KMT2C: variants seen among roughly 807,000 people sequenced by gnomAD.
The protein encoded by KMT2C is lysine methyltransferase 2C.
A neutral mutation model predicts 507.9 loss-of-function variants in KMT2C; 88 were observed. The ratio of observed to expected loss-of-function variants is 0.17; its 90% CI spans 0.15 to 0.21. The LOEUF is 0.21. KMT2C is among the 10% of genes least tolerant of loss of function. The pLI is 1.00. For synonymous variants in KMT2C, 2,049 were observed against 2,080.8 expected, an observed-to-expected ratio of 0.98 and a Z score of 0.42; for missense variants, 4,954 against 5,957.8, an observed-to-expected ratio of 0.83 and a Z score of 5.55.
At chr7:152,139,420 G>A (rs574984447) in intron 56 of KMT2C, among the ~76,000 whole-genome samples, 161 bp from the exon 57 acceptor site, 138 of 152,294 alleles carry the variant, frequency 9.1e-4, no homozygotes, top group African/African-American at 3.2e-3. Context: ...TACATGGCAC[G>A]AATGGAAAGC....
intron 14 of KMT2C, among the ~76,000 whole-genome samples, chr7:152,239,818 G>A (rs1286112347): frequency 3.3e-5 from 5 of 152,092 alleles, no homozygotes; most frequent in African/African-American, 9.7e-5. Context: ...CAAAACTTAA[G>A]ACAAGGTACA....
chr7:152,204,486 C>T (rs1324972966), intron 25 of KMT2C, among the ~76,000 whole-genome samples: 2 of 152,090 alleles, frequency 1.3e-5, no homozygotes, highest in East Asian at 3.9e-4. Context: ...TCTCCAGCTA[C>T]ATCAGAGGTT....
At chr7:152,156,494 C>A in intron 44 of KMT2C, 148 bp from the exon 45 acceptor site, 7 of 988,784 alleles carry the variant, frequency 7.1e-6, no homozygotes, top group Non-Finnish European at 1.0e-5. Context: ...GAAAACAATA[C>A]CTACAAGGCC....
At position 152,163,319 on chromosome 7, in the gene KMT2C, C is replaced by T; in HGVS notation, c.10258G>A (p.Asp3420Asn). 2 of 1,614,256 alleles carry T rather than the reference C, an allele frequency of 1.2e-6. No individual in the cohort carries two copies. Among genetic ancestry groups the T allele is most frequent in the African/African-American group, 1.3e-5 (1 of 75,070 alleles). ...RQRIQLMQEVDRQRALQQRME... is the reference protein window; with the variant it reads ...RQRIQLMQEVNRQRALQQRME... ...CTCTGCTGCAAAGCTCTTTGTCTATCTACCTCCTGCATGAGTTGGATCCGT... is the reference window on the plus strand; with the variant it reads ...CTCTGCTGCAAAGCTCTTTGTCTATTTACCTCCTGCATGAGTTGGATCCGT... The change falls in exon 43 of 59, where the codon GAT (aspartate) becomes AAT (asparagine). Residue 3420 changes from aspartate to asparagine, a missense_variant. Asp to Asn is a conservative substitution (Grantham distance 23, BLOSUM62 1). This residue lies in a region of KMT2C where 801 missense variants were observed against 751.2 expected (regional missense o/e 1.07). Transcript: ENST00000262189.
intron 2 of KMT2C, among the ~76,000 whole-genome samples, chr7:152,350,631 C>T (rs2097103242): frequency 6.6e-6 from 1 of 152,202 alleles, no homozygotes; most frequent in South Asian, 2.1e-4. Context: ...ACATAGAGCA[C>T]TTACCATGAA....
At chr7:152,364,867 T>C (rs1034344318) in intron 1 of KMT2C, among the ~76,000 whole-genome samples, 3 of 151,814 alleles carry the variant, frequency 2.0e-5, no homozygotes, top group African/African-American at 7.3e-5. Context: ...AATAATTAGC[T>C]GTAAATTTTA....
intron 34 of KMT2C, among the ~76,000 whole-genome samples, chr7:152,185,075 T>A (rs181073067): frequency 6.6e-6 from 1 of 152,316 alleles, no homozygotes; most frequent in East Asian, 1.9e-4. Flanking sequence ...ATACTTTAAG[T>A]CATCTTTAGA....
intron 43 of KMT2C, 26 bp from the exon 44 acceptor site, chr7:152,159,098 A>C (rs2092288358): frequency 6.2e-7 from 1 of 1,602,788 alleles, no homozygotes; most frequent in Non-Finnish European, 8.5e-7. Flanking sequence ...AGGGTAAAAA[A>C]TAAGTGAACA....
intron 9 of KMT2C, among the ~76,000 whole-genome samples, chr7:152,255,132 T>TATATATATAC (rs1554583864): frequency 1.6e-5 from 2 of 121,848 alleles, no homozygotes; most frequent in Non-Finnish European, 3.2e-5. Flanking sequence ...TATATATATA[T>TATATATATAC]ATATATATAT....
intron 16 of KMT2C, among the ~76,000 whole-genome samples, chr7:152,231,370 C>A (rs149393685): frequency 1.3e-5 from 2 of 152,384 alleles, no homozygotes; most frequent in African/African-American, 4.8e-5. Flanking sequence ...AAATACAATC[C>A]TCTTTCTTTA....
intron 6 of KMT2C, among the ~76,000 whole-genome samples, chr7:152,287,349 T>C (rs1258282409): frequency 6.6e-6 from 1 of 152,196 alleles, no homozygotes; most frequent in Non-Finnish European, 1.5e-5. Flanking sequence ...TTCACAAAGG[T>C]GTAATGCAAG....
rs75105755 is a variant in KMT2C at position 152,182,775 on chromosome 7, C to T, written c.5266-181G>A. The stretch of plus-strand genomic sequence containing the variant: ...TCATCATGGTATGTTCCATTTGTGC[C>T]TAGGGCAGTATATTGTTTATAATAT... On this transcript the variant is annotated intron_variant, in intron 35 of 58. Transcript: ENST00000262189. Among the ~76,000 whole-genome samples the T allele has an allele frequency of 2.8e-3, 430 of 152,100 alleles. 3 individuals carry two copies. Among genetic ancestry groups the T allele is most frequent in the African/African-American group, 1.0e-2 (413 of 41,484 alleles).
chr7:152,282,429 A>G (rs1170609431), intron 6 of KMT2C, among the ~76,000 whole-genome samples: 3 of 152,268 alleles, frequency 2.0e-5, no homozygotes, highest in African/African-American at 7.2e-5. Context: ...CCTCAAATTG[A>G]AAGTCCTCAA....
intron 31 of KMT2C, among the ~76,000 whole-genome samples, chr7:152,189,075 G>C (rs1034595392): frequency 1.3e-5 from 2 of 152,054 alleles, no homozygotes; most frequent in South Asian, 4.2e-4. Context: ...TCTCATTCGA[G>C]CTTATTCACA....
chr7:152,157,898 G>A (rs1379470674), intron 44 of KMT2C: 2 of 1,338,114 alleles, frequency 1.5e-6, no homozygotes, highest in Non-Finnish European at 2.0e-6. Flanking sequence ...CCAATGATTG[G>A]TTCCATTAGA....
chr7:152,361,666 CAGAAA>C (rs1198048339), intron 1 of KMT2C, among the ~76,000 whole-genome samples: 3 of 151,366 alleles, frequency 2.0e-5, no homozygotes, highest in African/African-American at 7.3e-5. Flanking sequence ...CAACAGCAGG[CAGAAA>C]AGGAATGAAA....
chr7:152,359,322 TTTGAA>T (rs1157945661), intron 1 of KMT2C, among the ~76,000 whole-genome samples: 1 of 151,472 alleles, frequency 6.6e-6, no homozygotes, highest in Non-Finnish European at 1.5e-5. Flanking sequence ...CTTTAAATTC[TTTGAA>T]TTGTACTAAA....
chr7:152,405,545 T>C (rs574796824), intron 1 of KMT2C, among the ~76,000 whole-genome samples: 3 of 152,104 alleles, frequency 2.0e-5, no homozygotes, highest in African/African-American at 7.3e-5. Flanking sequence ...ACACGCTGCC[T>C]AGTTCACTTT....
At chr7:152,411,532 G>A (rs2982766) in intron 1 of KMT2C, among the ~76,000 whole-genome samples, 2 of 117,458 alleles carry the variant, frequency 1.7e-5, no homozygotes, top group Non-Finnish European at 3.7e-5. Context: ...TGAGAAAGAG[G>A]AGGGGGAAGA....
Sources: allele counts gnomAD v4.1 joint callset (sites outside exome capture counted in the v4.1 genomes callset), GRCh38; gene constraint gnomAD v4.1.1; regional missense constraint gnomAD v4.1.1; transcripts MANE v1.5; gene names NCBI Gene and HGNC (gene_info 2026-07-23, HGNC 2026-07-21).